The following PLAC8L1 variants were observed in gnomAD, a reference collection of about 807,000 sequenced individuals.
PLAC8L1 encodes the protein PLAC8-like protein 1.
A neutral mutation model predicts 16.3 loss-of-function variants in PLAC8L1; 13 were observed. The ratio of observed to expected loss-of-function variants is 0.80; its 90% CI spans 0.52 to 1.27. The LOEUF is 1.27. Among genes scored for constraint, PLAC8L1 ranks in the 50% most tolerant of loss-of-function variants. The pLI is 0.00. For synonymous variants in PLAC8L1, 78 were observed against 79.3 expected (o/e 0.98, Z 0.09); for missense variants, 184 against 220.2 (o/e 0.84, Z 1.04).
At chr5:146,089,168 TA>T (rs899869955) in intron 2 of PLAC8L1, among the ~76,000 whole-genome samples, 2 of 152,092 alleles carry the variant, frequency 1.3e-5, no homozygotes, top group East Asian at 1.9e-4. Flanking sequence ...ATATGCTTTT[TA>T]AAAAAAACAC....
At position 146,084,400 on chromosome 5, in the gene PLAC8L1, T is replaced by C. The variant is rs1328711064; in HGVS notation, c.*32A>G. The C allele has an allele frequency of 1.4e-5, 22 of 1,608,654 alleles. No individual in the cohort carries two copies. Among genetic ancestry groups the C allele is most frequent in the South Asian group, 1.1e-5 (1 of 90,502 alleles). On this transcript the variant is annotated 3_prime_UTR_variant, in exon 4 of 4. Transcript: ENST00000311450. ...CACTGAGAGGTTTGAGAGGAGGGTG[T>C]TGGGGAGTAAGGAGGAGGAGTTATC...
chr5:146,089,925 G>A (rs913721317), intron 2 of PLAC8L1, among the ~76,000 whole-genome samples: 2 of 151,820 alleles, frequency 1.3e-5, no homozygotes, highest in African/African-American at 4.8e-5. Flanking sequence ...TTTTAGTATA[G>A]ACAGGGTTTC....
chr5:146,085,525 C>T lies in PLAC8L1; in HGVS notation c.329G>A (p.Trp110Ter). The T allele has an allele frequency of 4.3e-6, 7 of 1,614,094 alleles. No individual in the cohort carries two copies. Among genetic ancestry groups the T allele is most frequent in the Non-Finnish European group, 5.9e-6 (7 of 1,180,016 alleles). The change falls in exon 3 of 4, where the codon TGG (tryptophan) becomes TAG (stop). Residue 110 changes from tryptophan to a stop codon, truncating the protein, a stop_gained. Coordinates refer to ENST00000311450, the MANE Select transcript of PLAC8L1 (RefSeq NM_001029869.3). LOFTEE classifies it high-confidence loss of function. The stretch of plus-strand genomic sequence containing the variant: ...AAAGGTGGACCCAGGTAACAACGGC[C>T]AACAAAGACACTCTCCATAATGCCT... ...IARHYGECLC[W>*]PLLPGSTFAL...
In PLAC8L1 at chr5:146,103,002, G is replaced by C. The variant is rs191553336; in HGVS notation, c.119+1191C>G. Reference sequence around the variant, plus strand: ...TTCTCAGAAACAAAGGAAGGAGAAAGGAGAACTGGACCAGGTTTTCAGTTG... The same window carrying C: ...TTCTCAGAAACAAAGGAAGGAGAAACGAGAACTGGACCAGGTTTTCAGTTG... On this transcript the variant is annotated intron_variant, in intron 1 of 3. Transcript: ENST00000311450. 2.0e-5 allele frequency among the ~76,000 whole-genome samples: 3 copies of C among 152,268 alleles called. No individual in the cohort carries two copies. The East Asian group carries it at 5.8e-4, about 29-fold the overall frequency.
intron 2 of PLAC8L1, among the ~76,000 whole-genome samples, chr5:146,086,141 T>G (rs2150033127): frequency 6.8e-6 from 1 of 148,100 alleles, no homozygotes; most frequent in Non-Finnish European, 1.5e-5. Flanking sequence ...GCCATTCTCC[T>G]GCGTCAGCCT....
intron 1 of PLAC8L1, among the ~76,000 whole-genome samples, chr5:146,102,688 C>T (rs1763840439): frequency 6.6e-6 from 1 of 152,194 alleles, no homozygotes; most frequent in Admixed American, 6.5e-5. Context: ...CTATCAAATT[C>T]CATAAGTTCT....
At chr5:146,094,992 T>C (rs1763686947) in intron 2 of PLAC8L1, among the ~76,000 whole-genome samples, 1 of 152,110 alleles carries the variant, frequency 6.6e-6, no homozygotes, top group Non-Finnish European at 1.5e-5. Context: ...TAAATAAAAC[T>C]TTGTGGATAA....
chr5:146,091,715 T>G (rs928835742), intron 2 of PLAC8L1, among the ~76,000 whole-genome samples: 1 of 152,050 alleles, frequency 6.6e-6, no homozygotes, highest in Non-Finnish European at 1.5e-5. Context: ...GGCAAGAGGA[T>G]CACTTGAACC....
chr5:146,104,238 AAC>A lies in PLAC8L1; in HGVS notation c.72_73del (p.Leu25ValfsTer6). On this transcript the variant is annotated frameshift_variant, in exon 1 of 4. Transcript: ENST00000311450. LOFTEE classifies it high-confidence loss of function. The stretch of plus-strand genomic sequence containing the variant: ...TTCATCTTCAGATGACATGTGTGAC[AAC>A]AGAGGTGAGTATATGTTGAGTAAGG... 2 of 1,613,962 alleles carry A rather than the reference AAC, an allele frequency of 1.2e-6. No homozygotes were observed. The highest frequency in any genetic ancestry group is 1.7e-6 in the Non-Finnish European group (2 of 1,179,876).
intron 2 of PLAC8L1, among the ~76,000 whole-genome samples, chr5:146,090,788 C>T (rs1251466376): frequency 6.6e-6 from 1 of 152,084 alleles, no homozygotes; most frequent in Non-Finnish European, 1.5e-5. Context: ...CGCAGTAGCT[C>T]ACACCTGTAA....
intron 1 of PLAC8L1, among the ~76,000 whole-genome samples, chr5:146,102,260 T>A (rs1763833589): frequency 6.6e-6 from 1 of 152,096 alleles, no homozygotes; most frequent in Admixed American, 6.6e-5. Context: ...GGTCTCGCTT[T>A]ATTGCCTAGG....
intron 3 of PLAC8L1, 99 bp downstream of exon 3, chr5:146,085,362 T>C (rs964213440): frequency 2.2e-6 from 3 of 1,362,880 alleles, no homozygotes; most frequent in Non-Finnish European, 3.0e-6. Context: ...TGTTTCAACA[T>C]CCTCACCCAC....
chr5:146,086,286 C>G lies in PLAC8L1; in HGVS notation c.257-689G>C, dbSNP rs551657560. Among the ~76,000 whole-genome samples the G allele has an allele frequency of 1.8e-3, 267 of 152,188 alleles. No individual in the cohort carries two copies. In the Middle Eastern group the frequency reaches 0.02, roughly 12 times the overall value. On this transcript the variant is annotated intron_variant, in intron 2 of 3. Transcript: ENST00000311450. ...CCTCGTGATCCGCCCGCCTCGGCCT[C>G]CCAAAGTGCTGGGATTACAGGCGTG...
rs1239332906 is a variant in PLAC8L1, at chr5:146,084,320, GA to G, written c.*111del. The G allele has an allele frequency of 2.3e-6, 3 of 1,326,858 alleles. No individual in the cohort carries two copies. The highest frequency in any genetic ancestry group is 2.9e-5 in the African/African-American group (2 of 68,154). The allele number at this position is 1,326,858 out of a possible 1,614,324, so 82.2% of individuals were successfully genotyped here. ...GAAGAACAGTAGAGACAGTAGGGGG[GA>G]AATCATTTATTTTCATACCATTTCA... On this transcript the variant is annotated 3_prime_UTR_variant, in exon 4 of 4. Coordinates refer to ENST00000311450, the MANE Select transcript of PLAC8L1 (RefSeq NM_001029869.3).
intron 2 of PLAC8L1, among the ~76,000 whole-genome samples, chr5:146,092,537 T>G (rs1268074604): frequency 9.3e-6 from 1 of 107,198 alleles, no homozygotes; most frequent in Non-Finnish European, 1.8e-5. Flanking sequence ...CTTTGCAGAT[T>G]TTTTTTTTTT....
intron 2 of PLAC8L1, among the ~76,000 whole-genome samples, chr5:146,091,312 A>C (rs1233457234): frequency 6.6e-6 from 1 of 152,230 alleles, no homozygotes; most frequent in Non-Finnish European, 1.5e-5. Flanking sequence ...TTGAAACAAC[A>C]TGAATGTATA....
intron 2 of PLAC8L1, among the ~76,000 whole-genome samples, chr5:146,093,201 T>C (rs1331647659): frequency 6.6e-6 from 1 of 152,116 alleles, no homozygotes; most frequent in Admixed American, 6.5e-5. Flanking sequence ...ACTTTTTAGA[T>C]TTCTATATCT....
Position 146,084,702 on chromosome 5 carries a change from T to C in PLAC8L1, c.394-130A>G, listed in dbSNP as rs73313970. The C allele has an allele frequency of 7.3e-3, 8,710 of 1,192,742 alleles. 261 individuals carry two copies. The African/African-American group carries it at 0.087, about 12-fold the overall frequency. The allele number at this position is 1,192,742 out of a possible 1,614,324, so 73.9% of individuals were successfully genotyped here. On this transcript the variant is annotated intron_variant, in intron 3 of 3. Transcript: ENST00000311450. ...AGGTTCACCAACATCCTTAAGCCAA[T>C]GCCCAGGGACACTAAGTTGCATAAG...
At chr5:146,098,071 T>G in intron 2 of PLAC8L1, 85 bp downstream of exon 2, 1 of 1,420,310 alleles carries the variant, frequency 7.0e-7, no homozygotes, top group Non-Finnish European at 9.6e-7. Flanking sequence ...ATTTCTGTCC[T>G]TGTGCCTGCT....
Sources: allele counts gnomAD v4.1 joint callset (sites outside exome capture counted in the v4.1 genomes callset), GRCh38; gene constraint gnomAD v4.1.1; transcripts MANE v1.5; gene names NCBI Gene and HGNC (gene_info 2026-07-23, HGNC 2026-07-21).